The following CCDC33 variants were observed in gnomAD, a reference collection of about 807,000 sequenced individuals.
CCDC33 encodes coiled-coil domain containing 33.
Under a neutral mutation model 91.9 loss-of-function variants are expected in CCDC33, and 94 were observed. That is an observed-to-expected ratio of 1.02 (90% CI 0.87 to 1.21). The LOEUF (loss-of-function observed/expected upper bound fraction) is 1.21. Among genes scored for constraint, CCDC33 ranks in the 50% most tolerant of loss-of-function variants. CCDC33 has a pLI of 0.00. For synonymous variants in CCDC33, 396 were observed against 374.5 expected (o/e 1.06, Z -0.66); for missense variants, 940 against 935.5 (o/e 1.00, Z -0.06).
At chr15:74,277,330 C>T (rs1016625386) in intron 7 of CCDC33, among the ~76,000 whole-genome samples, 1 of 152,232 alleles carries the variant, frequency 6.6e-6, no homozygotes, top group Non-Finnish European at 1.5e-5. Flanking sequence ...AGCAGCTACT[C>T]CTCCAGATGG....
chr15:74,245,101 A>T (rs927018666), intron 2 of CCDC33, among the ~76,000 whole-genome samples: 1 of 152,200 alleles, frequency 6.6e-6, no homozygotes, highest in Non-Finnish European at 1.5e-5. Context: ...GGAGCTCCAC[A>T]GCAGTGGTGA....
chr15:74,278,489 G>A (rs934371274), intron 7 of CCDC33, among the ~76,000 whole-genome samples: 1 of 152,236 alleles, frequency 6.6e-6, no homozygotes, highest in African/African-American at 2.4e-5. Context: ...GCCCCGCCCT[G>A]TGCTGGGACC....
chr15:74,223,003 T>C (rs2074657828), intron 2 of CCDC33, among the ~76,000 whole-genome samples: 1 of 151,956 alleles, frequency 6.6e-6, no homozygotes, highest in South Asian at 2.1e-4. Flanking sequence ...GAGACTGGAA[T>C]GGTTCAAGCA....
chr15:74,268,547 C>T (rs957397212), intron 5 of CCDC33, 89 bp downstream of exon 5: 4 of 961,628 alleles, frequency 4.2e-6, no homozygotes, highest in Admixed American at 1.8e-5. Flanking sequence ...TTAGCCCCCT[C>T]TGGCTGACCT....
In CCDC33 at chr15:74,280,096, C is replaced by G. The variant is rs1013938969; in HGVS notation, c.889+4C>G. The G allele has an allele frequency of 2.5e-6, 4 of 1,613,790 alleles. No individual in the cohort carries two copies. The highest frequency in any genetic ancestry group is 3.4e-6 in the Non-Finnish European group (4 of 1,179,884). On this transcript the variant is annotated splice_donor_region_variant and intron_variant, in intron 8 of 18. Transcript: ENST00000398814. ...GAGTACTACTCCTCAACTTCAAGTA[C>G]GTGACCCCTGGTGCCTCGCCAGGGC... is the stretch of plus-strand genomic sequence containing the variant.
intron 3 of CCDC33, among the ~76,000 whole-genome samples, chr15:74,264,094 G>A (rs931484702): frequency 2.4e-4 from 36 of 151,944 alleles, no homozygotes; most frequent in African/African-American, 8.2e-4. Flanking sequence ...GGACAAGAGA[G>A]TGGGGAGGCC....
Position 74,316,517 on chromosome 15 carries a change from T to TG in CCDC33, c.1291-13670dup, listed in dbSNP as rs1184511720. On this transcript the variant is annotated intron_variant, in intron 11 of 18. Coordinates refer to ENST00000398814, the MANE Select transcript of CCDC33 (RefSeq NM_025055.5). The surrounding 1 kb of genome is among the most constrained non-coding windows in gnomAD (Gnocchi z 4.7). ...GGACAGGGCCCCTTGCAGGGAGGGG[T>TG]GGTGAAGCCTGGTCTGGGAGGCTTC... Among the ~76,000 whole-genome samples the TG allele has an allele frequency of 6.6e-6, 1 of 151,426 alleles. No homozygotes were observed.
At chr15:74,256,455 C>G (rs947709587) in intron 2 of CCDC33, among the ~76,000 whole-genome samples, 6 of 152,166 alleles carry the variant, frequency 3.9e-5, no homozygotes, top group African/African-American at 1.4e-4. Flanking sequence ...TTCAGAGTGA[C>G]CGAACCATTG....
At chr15:74,317,229 C>T (rs901321615) in intron 11 of CCDC33, among the ~76,000 whole-genome samples, 1 of 152,234 alleles carries the variant, frequency 6.6e-6, no homozygotes, top group East Asian at 1.9e-4. Flanking sequence ...GGCATGGTGG[C>T]AGGCACCTGT....
At chr15:74,296,374 C>A (rs1567010435) in intron 11 of CCDC33, among the ~76,000 whole-genome samples, 1 of 152,136 alleles carries the variant, frequency 6.6e-6, no homozygotes, top group Admixed American at 6.5e-5. Context: ...CCTGTAATCT[C>A]AGCACTTTGG....
At chr15:74,210,925 A>G (rs1288560431) in intron 2 of CCDC33, among the ~76,000 whole-genome samples, 2 of 152,202 alleles carry the variant, frequency 1.3e-5, no homozygotes, top group African/African-American at 2.4e-5. Context: ...ATCTTGGACT[A>G]TGAGATAGAA....
upstream of CCDC33, among the ~76,000 whole-genome samples, chr15:74,236,012 A>T (rs1466107192): frequency 6.6e-6 from 1 of 152,196 alleles, no homozygotes; most frequent in African/African-American, 2.4e-5. Context: ...TGGCTGGTAG[A>T]TTCTTCAACA....
Position 74,331,224 on chromosome 15 carries a change from G to A in CCDC33, c.1699G>A (p.Val567Met), listed in dbSNP as rs770991936. The A allele has an allele frequency of 6.2e-7, 1 of 1,614,158 alleles. No homozygotes were observed. The highest frequency in any genetic ancestry group is 1.1e-5 in the South Asian group (1 of 91,086). The change falls in exon 15 of 19, where the codon GTG becomes ATG. Residue 567 changes from valine to methionine, a missense_variant. Transcript: ENST00000398814. ...QEKVIEKMERVLEDRLQDRSK... is the reference protein window; with the variant it reads ...QEKVIEKMERMLEDRLQDRSK... ...CCAGGTGATCGAGAAGATGGAGCGG[G>A]TGCTGGAGGACAGGCTGCAGGACAG...
intron 11 of CCDC33, among the ~76,000 whole-genome samples, chr15:74,310,111 C>T (rs1028332699): frequency 6.6e-5 from 10 of 152,038 alleles, no homozygotes; most frequent in African/African-American, 2.4e-4. Flanking sequence ...GCCATGTGCC[C>T]GCCACTGCAC....
Position 74,331,119 on chromosome 15 carries a change from G to A in CCDC33, c.1677+7G>A, listed in dbSNP as rs750020749. On this transcript the variant is annotated splice_region_variant and intron_variant, in intron 14 of 18. Coordinates refer to ENST00000398814, the MANE Select transcript of CCDC33 (RefSeq NM_025055.5). ...TGTGCGGCACCAAGAGAAGGCAGGT[G>A]GCAGAGGGGCTGCCCCCGAGGCCAA... is the stretch of plus-strand genomic sequence containing the variant. The A allele has an allele frequency of 1.9e-6, 3 of 1,613,220 alleles. No individual in the cohort carries two copies. The Admixed American group carries it at 5.0e-5, about 27-fold the overall frequency.
chr15:74,298,846 G>A (rs1027258490), intron 11 of CCDC33, among the ~76,000 whole-genome samples: 6 of 151,506 alleles, frequency 4.0e-5, no homozygotes, highest in African/African-American at 1.5e-4. Context: ...TTGAGTAGCT[G>A]GGATTACAGG....
chr15:74,298,709 C>CTTTTTT (rs35450110), intron 11 of CCDC33, among the ~76,000 whole-genome samples: 5 of 75,602 alleles, frequency 6.6e-5, no homozygotes, highest in African/African-American at 1.7e-4. Flanking sequence ...CTAATTCTGC[C>CTTTTTT]TTTTTTTTTT....
intron 11 of CCDC33, among the ~76,000 whole-genome samples, chr15:74,323,219 C>A (rs1279161430): frequency 6.6e-6 from 1 of 152,158 alleles, no homozygotes; most frequent in Non-Finnish European, 1.5e-5. Context: ...TTCCTCCAGG[C>A]CACACCAAGA....
At chr15:74,243,377 A>G (rs929992244) in intron 1 of CCDC33, among the ~76,000 whole-genome samples, 1 of 152,228 alleles carries the variant, frequency 6.6e-6, no homozygotes, top group Admixed American at 6.5e-5. Context: ...AGCAGGTGGG[A>G]TTTAGGAATT....
Sources: allele counts gnomAD v4.1 joint callset (sites outside exome capture counted in the v4.1 genomes callset), GRCh38; gene constraint gnomAD v4.1.1; non-coding constraint Gnocchi (gnomAD v3.1); transcripts MANE v1.5; gene names NCBI Gene and HGNC (gene_info 2026-07-23, HGNC 2026-07-21).